Variants in NMNAT2 observed in about 807,000 individuals in gnomAD.
NMNAT2 encodes nicotinamide/nicotinic acid mononucleotide adenylyltransferase 2.
Under a neutral mutation model 41.6 loss-of-function variants are expected in NMNAT2, and 11 were observed. The ratio of observed to expected loss-of-function variants is 0.26; its 90% CI spans 0.17 to 0.44. The LOEUF (loss-of-function observed/expected upper bound fraction) is 0.44. NMNAT2 is among the 20% of genes least tolerant of loss of function. The probability of loss-of-function intolerance (pLI) is 1.00; values close to 1 mark genes in which losing one functional copy is unlikely to be tolerated. For missense variants in NMNAT2, 288 were observed against 407.7 expected, an observed-to-expected ratio of 0.71 and a Z score of 2.53; for synonymous variants, 148 against 151.2, an observed-to-expected ratio of 0.98 and a Z score of 0.16.
chr1:183,284,719 T>C lies in NMNAT2; in HGVS notation c.520A>G (p.Thr174Ala), dbSNP rs200485972. The change falls in exon 6 of 11, where the codon ACC becomes GCC. Residue 174 changes from threonine to alanine, a missense_variant. Physicochemically the swap from Thr to Ala is moderately conservative, Grantham distance 58. Transcript: ENST00000287713. ...CCVRPPVERF[T>A]FVDENANLGT... ...TTCCTTGGTTCCTCACCTACAAAGG[T>C]GAAACGCTCCACCGGCGGGCGGACA... 1.6e-5 allele frequency: 26 copies of C among 1,613,742 alleles called. No individual in the cohort carries two copies. The highest frequency in any genetic ancestry group is 2.1e-5 in the Non-Finnish European group (25 of 1,179,858).
rs117558365 is a variant in NMNAT2, at chr1:183,255,798, G to A, written c.822-3055C>T. ...CCTACCTCGGCCTCCCGAGTAGCTC[G>A]GATTACAGGCACAAGCCACAATGCC... On this transcript the variant is annotated intron_variant, in intron 10 of 10. Coordinates refer to ENST00000287713, the MANE Select transcript of NMNAT2 (RefSeq NM_015039.4). 1.1e-3 allele frequency among the ~76,000 whole-genome samples: 165 copies of A among 151,680 alleles called. 4 individuals carry two copies. In the East Asian group the frequency reaches 0.029, roughly 27 times the overall value.
At chr1:183,375,872 C>T (rs562121008) in intron 1 of NMNAT2, among the ~76,000 whole-genome samples, 47 of 152,276 alleles carry the variant, frequency 3.1e-4, no homozygotes, top group African/African-American at 9.9e-4. Flanking sequence ...GGTTATTGAT[C>T]ACACTCTGGT....
intron 1 of NMNAT2, among the ~76,000 whole-genome samples, chr1:183,370,374 A>G (rs1007848953): frequency 2.0e-5 from 3 of 151,916 alleles, no homozygotes; most frequent in Non-Finnish European, 4.4e-5. Flanking sequence ...CTGAGTTTCC[A>G]TTTCTGCTTC....
intron 1 of NMNAT2, among the ~76,000 whole-genome samples, chr1:183,393,198 A>G (rs563322681): frequency 4.4e-4 from 67 of 152,324 alleles, no homozygotes; most frequent in African/African-American, 1.5e-3. Flanking sequence ...ATATAACTTC[A>G]GTTGTCATCA....
intron 1 of NMNAT2, among the ~76,000 whole-genome samples, chr1:183,391,157 T>A (rs1380002851): frequency 6.6e-6 from 1 of 152,170 alleles, no homozygotes; most frequent in African/African-American, 2.4e-5. Context: ...CTGCTTCTTT[T>A]GCCTGCTTCT....
chr1:183,417,869 G>A (rs1367735651), intron 1 of NMNAT2, among the ~76,000 whole-genome samples: 3 of 151,872 alleles, frequency 2.0e-5, no homozygotes, highest in African/African-American at 4.8e-5. Flanking sequence ...CCGAACCACC[G>A]CACCGCCACA....
intron 1 of NMNAT2, among the ~76,000 whole-genome samples, chr1:183,343,733 T>A (rs918278218): frequency 5.3e-5 from 8 of 152,174 alleles, no homozygotes; most frequent in Non-Finnish European, 1.2e-4. Context: ...TCAAATTTTT[T>A]AAAAAAGTGA....
At chr1:183,380,897 G>T (rs1243675722) in intron 1 of NMNAT2, among the ~76,000 whole-genome samples, 1 of 152,118 alleles carries the variant, frequency 6.6e-6, no homozygotes, top group East Asian at 1.9e-4. Flanking sequence ...GCAGGTAATT[G>T]GGAGCCAGAG....
At position 183,418,243 on chromosome 1, in the gene NMNAT2, C is replaced by T. The variant is rs1571649948; in HGVS notation, c.25G>A (p.Val9Ile). The T allele has an allele frequency of 3.1e-6, 5 of 1,613,780 alleles. No individual in the cohort carries two copies. The South Asian group carries it at 3.3e-5, about 11-fold the overall frequency. Residue 9 changes from valine to isoleucine, a missense_variant, in exon 1 of 11, where the codon GTT becomes ATT. Coordinates refer to ENST00000287713, the MANE Select transcript of NMNAT2 (RefSeq NM_015039.4). MTETTKTH[V>I]ILLACGSFNP... ...AAGCTGCCGCAGGCGAGCAAGATAACGTGGGTCTTGGTGGTCTCGGTCATG... is the reference window on the plus strand; with the variant it reads ...AAGCTGCCGCAGGCGAGCAAGATAATGTGGGTCTTGGTGGTCTCGGTCATG...
intron 1 of NMNAT2, among the ~76,000 whole-genome samples, chr1:183,367,076 C>T (rs1157634491): frequency 6.6e-6 from 1 of 152,212 alleles, no homozygotes; most frequent in Non-Finnish European, 1.5e-5. Context: ...TATGTCCACC[C>T]TAAGGAATGG....
At chr1:183,315,611 G>A (rs925437642) in intron 1 of NMNAT2, among the ~76,000 whole-genome samples, 2 of 151,906 alleles carry the variant, frequency 1.3e-5, no homozygotes, top group East Asian at 1.9e-4. Context: ...GTAAAACCCC[G>A]TCTCTACTAA....
chr1:183,344,976 G>T (rs940328131), intron 1 of NMNAT2, among the ~76,000 whole-genome samples: 2 of 152,096 alleles, frequency 1.3e-5, no homozygotes, highest in Admixed American at 6.5e-5. Context: ...AGCCACAGCG[G>T]GGAGAAGGAT....
chr1:183,272,241 G>A (rs1406790067), intron 8 of NMNAT2, among the ~76,000 whole-genome samples: 1 of 152,160 alleles, frequency 6.6e-6, no homozygotes, highest in Non-Finnish European at 1.5e-5. Flanking sequence ...TCCATGCCTG[G>A]ATGCCTGCAT....
chr1:183,395,025 C>T (rs1048306379), intron 1 of NMNAT2, among the ~76,000 whole-genome samples: 6 of 152,160 alleles, frequency 3.9e-5, no homozygotes, highest in African/African-American at 1.4e-4. Flanking sequence ...CCTTCACTAC[C>T]ATGGGCAACC....
At chr1:183,389,820 GAAAGAAAGAAAGAAAGAAAGAAAGGAAA>G (rs1648406632) in intron 1 of NMNAT2, among the ~76,000 whole-genome samples, 5 of 55,286 alleles carry the variant, frequency 9.0e-5, no homozygotes, top group African/African-American at 3.0e-4. Flanking sequence ...AAGAAAGAAA[GAAAGAAAGAAAGAAAGAAAGAAAGGAAA>G]AAAGAGAAAG....
intron 1 of NMNAT2, among the ~76,000 whole-genome samples, chr1:183,298,884 A>G (rs1661774682): frequency 6.6e-6 from 1 of 152,260 alleles, no homozygotes; most frequent in South Asian, 2.1e-4. Context: ...TGTCAAAATC[A>G]CAACAAGATT....
intron 1 of NMNAT2, among the ~76,000 whole-genome samples, chr1:183,311,849 T>A (rs1472531901): frequency 1.3e-5 from 2 of 151,726 alleles, no homozygotes; most frequent in African/African-American, 4.8e-5. Flanking sequence ...TTCCCACATG[T>A]TGTGGGAGGG....
intron 10 of NMNAT2, among the ~76,000 whole-genome samples, chr1:183,255,361 CT>C (rs979838833): frequency 1.6e-4 from 24 of 151,848 alleles, no homozygotes; most frequent in African/African-American, 5.3e-4. Flanking sequence ...ATGCCTCCAA[CT>C]TTTTTTTTCT....
chr1:183,267,734 G>A (rs912869172), intron 8 of NMNAT2, among the ~76,000 whole-genome samples: 1 of 152,076 alleles, frequency 6.6e-6, no homozygotes, highest in African/African-American at 2.4e-5. Context: ...TGCTCGAGGG[G>A]ACCAGCACCT....
Sources: gnomAD v4.1 joint callset for allele counts (sites outside exome capture counted in the v4.1 genomes callset) on GRCh38, gnomAD v4.1.1 for gene constraint, MANE v1.5 for transcripts, NCBI Gene and HGNC (gene_info 2026-07-23, HGNC 2026-07-21) for gene names.